The following EIF2B3 variants were observed in gnomAD, a reference collection of about 807,000 sequenced individuals.
EIF2B3 encodes the protein eukaryotic translation initiation factor 2B subunit gamma, also known as translation initiation factor eIF2B subunit gamma.
Under a neutral mutation model 54.1 loss-of-function variants are expected in EIF2B3, and 20 were observed. The observed-to-expected ratio is 0.37, with a 90% CI of 0.26 to 0.54. The LOEUF is 0.54. EIF2B3 is among the 20% of genes least tolerant of loss of function. The probability of loss-of-function intolerance (pLI) is 0.86; values close to 1 mark genes in which losing one functional copy is unlikely to be tolerated. For missense variants in EIF2B3, 448 were observed against 547.8 expected, an observed-to-expected ratio of 0.82 and a Z score of 1.82; for synonymous variants, 153 against 188.1, an observed-to-expected ratio of 0.81 and a Z score of 1.52.
chr1:44,854,283 G>A (rs1002161373), intron 11 of EIF2B3, among the ~76,000 whole-genome samples: 2 of 151,902 alleles, frequency 1.3e-5, no homozygotes, highest in Non-Finnish European at 2.9e-5. Context: ...GATTACAGGC[G>A]TGAGCTACAG....
At chr1:44,876,432 C>T (rs1318825929) in intron 8 of EIF2B3, among the ~76,000 whole-genome samples, 10 of 143,418 alleles carry the variant, frequency 7.0e-5, no homozygotes, top group Non-Finnish European at 1.4e-4. Flanking sequence ...CTCTGCCCGG[C>T]CGCCCCGTCT....
intron 3 of EIF2B3, among the ~76,000 whole-genome samples, chr1:44,965,634 CTTTTTTTTTTT>C (rs386366856): frequency 1.4e-4 from 14 of 102,410 alleles, no homozygotes; most frequent in Non-Finnish European, 2.6e-4. Context: ...ACAAATGCAT[CTTTTTTTTTTT>C]TTTTTTTTTT....
chr1:44,970,182 A>C (rs1644385723), intron 3 of EIF2B3: 1 of 152,220 alleles, frequency 6.6e-6, no homozygotes, highest in South Asian at 2.1e-4. Flanking sequence ...AACTTAGCAA[A>C]TATGGTATCT....
At chr1:44,935,129 G>C (rs2148937339) in intron 4 of EIF2B3, among the ~76,000 whole-genome samples, 1 of 152,310 alleles carries the variant, frequency 6.6e-6, no homozygotes, top group South Asian at 2.1e-4. Context: ...AATTGGATTG[G>C]TTAAATAAAG....
At chr1:44,876,317 C>G (rs1005503272) in intron 8 of EIF2B3, among the ~76,000 whole-genome samples, 7 of 147,604 alleles carry the variant, frequency 4.7e-5, no homozygotes, top group African/African-American at 1.0e-4. Context: ...TCTGCCCGGC[C>G]GCCCATAGTC....
intron 4 of EIF2B3, among the ~76,000 whole-genome samples, chr1:44,933,071 T>C (rs890547920): frequency 3.9e-5 from 6 of 152,100 alleles, no homozygotes; most frequent in Admixed American, 6.6e-5. Context: ...CTTGAAGAAT[T>C]TGAAATTGAG....
At chr1:44,930,636 A>T (rs1033409709) in intron 4 of EIF2B3, among the ~76,000 whole-genome samples, 2 of 152,010 alleles carry the variant, frequency 1.3e-5, no homozygotes, top group African/African-American at 4.8e-5. Context: ...GGCTCTCCCT[A>T]TATATTTTTT....
chr1:44,868,522 T>C (rs1253189328), intron 10 of EIF2B3, among the ~76,000 whole-genome samples: 1 of 149,316 alleles, frequency 6.7e-6, no homozygotes, highest in Non-Finnish European at 1.5e-5. Context: ...TGAGACAGGA[T>C]TTTGCCATGT....
chr1:44,910,957 A>T (rs781209727), intron 5 of EIF2B3, among the ~76,000 whole-genome samples: 2 of 152,140 alleles, frequency 1.3e-5, no homozygotes, highest in Non-Finnish European at 2.9e-5. Flanking sequence ...CCTGAGCAGT[A>T]TAGACTGAAC....
At chr1:44,920,157 T>A (rs1185768248) in intron 5 of EIF2B3, among the ~76,000 whole-genome samples, 1 of 151,922 alleles carries the variant, frequency 6.6e-6, no homozygotes, top group Non-Finnish European at 1.5e-5. Flanking sequence ...CTTTTTCTTA[T>A]ATCCTGTGTC....
intron 5 of EIF2B3, among the ~76,000 whole-genome samples, chr1:44,912,454 A>C (rs964952774): frequency 6.6e-6 from 1 of 152,112 alleles, no homozygotes; most frequent in Admixed American, 6.5e-5. Context: ...AAAGTTTTTA[A>C]TAATTCCCTG....
intron 1 of EIF2B3, 28 bp from the exon 2 acceptor site, chr1:44,981,205 GA>G (rs771928195): frequency 1.1e-5 from 17 of 1,610,714 alleles, no homozygotes; most frequent in South Asian, 3.3e-5. Context: ...ACAATTAACA[GA>G]AAAAAAACAA....
At chr1:44,932,918 G>A (rs918403068) in intron 4 of EIF2B3, among the ~76,000 whole-genome samples, 3 of 152,180 alleles carry the variant, frequency 2.0e-5, no homozygotes, top group African/African-American at 7.2e-5. Context: ...GGCTTCCAGA[G>A]GATGTGTCCT....
chr1:44,936,555 C>T (rs1279505899), intron 4 of EIF2B3, among the ~76,000 whole-genome samples: 1 of 152,082 alleles, frequency 6.6e-6, no homozygotes, highest in Non-Finnish European at 1.5e-5. Flanking sequence ...CGCGCCATTG[C>T]ACTCCAGCCT....
At chr1:44,912,670 G>C in intron 5 of EIF2B3, among the ~76,000 whole-genome samples, 1 of 152,014 alleles carries the variant, frequency 6.6e-6, no homozygotes, top group East Asian at 1.9e-4. Flanking sequence ...ATTCTATTCT[G>C]TTTCCCTGAC....
chr1:44,947,360 G>A (rs1644114612), intron 3 of EIF2B3, among the ~76,000 whole-genome samples: 1 of 152,108 alleles, frequency 6.6e-6, no homozygotes. Flanking sequence ...AACAAATTAA[G>A]CTCAGAAAAC....
In EIF2B3 at chr1:44,951,458, C is replaced by T. The variant is rs148598326; in HGVS notation, c.295-9793G>A. ...AGCACCCTAATTCCTTTGGTGGTCT[C>T]GTTTACACAGCTTATGTGGTCCATC... On this transcript the variant is annotated intron_variant, in intron 3 of 11. Coordinates refer to ENST00000360403, the MANE Select transcript of EIF2B3 (RefSeq NM_020365.5). Among the ~76,000 whole-genome samples the T allele has an allele frequency of 8.0e-3, 771 of 96,004 alleles. 10 individuals are homozygous for T. The highest frequency in any genetic ancestry group is 0.046 in the African/African-American group (741 of 15,978). The allele number at this position is 96,004 out of a possible 152,430, so 63.0% of individuals were successfully genotyped here. A position where few individuals can be genotyped will look rare whatever the true frequency, so the allele number is the denominator to read the frequency against.
chr1:44,956,871 C>T (rs1644231715), intron 3 of EIF2B3, among the ~76,000 whole-genome samples: 1 of 152,218 alleles, frequency 6.6e-6, no homozygotes, highest in African/African-American at 2.4e-5. Context: ...TAGAAGGAAA[C>T]AAAAGTAGGT....
chr1:44,880,140 TC>T, intron 7 of EIF2B3, 132 bp from the exon 8 acceptor site: 1 of 962,222 alleles, frequency 1.0e-6, no homozygotes, highest in Non-Finnish European at 1.6e-6. Flanking sequence ...GGTCTCAAAC[TC>T]CCAGACTCAA....
Sources: gnomAD v4.1 joint callset for allele counts (sites outside exome capture counted in the v4.1 genomes callset) on GRCh38, gnomAD v4.1.1 for gene constraint, MANE v1.5 for transcripts, NCBI Gene and HGNC (gene_info 2026-07-23, HGNC 2026-07-21) for gene names.